DNHD1: variants seen among roughly 807,000 people sequenced by gnomAD.
DNHD1 encodes the protein dynein heavy chain domain-containing protein 1.
Under a neutral mutation model 458.1 loss-of-function variants are expected in DNHD1, and 383 were observed. That is an observed-to-expected ratio of 0.84 (90% CI 0.77 to 0.91). The LOEUF is 0.91. Among genes scored for constraint, DNHD1 ranks in the 40% least tolerant of loss-of-function variants. The probability of loss-of-function intolerance (pLI) is 0.00; values close to 1 mark genes in which losing one functional copy is unlikely to be tolerated. For synonymous variants in DNHD1, 2,203 were observed against 2,376.9 expected, an observed-to-expected ratio of 0.93 and a Z score of 2.13; for missense variants, 5,336 against 5,866.1, an observed-to-expected ratio of 0.91 and a Z score of 2.95.
At chr11:6,517,028 G>C (rs943860119) in intron 7 of DNHD1, among the ~76,000 whole-genome samples, 1 of 152,042 alleles carries the variant, frequency 6.6e-6, no homozygotes, top group African/African-American at 2.4e-5. Flanking sequence ...ATTTATTCTT[G>C]GAAGCTAGGA....
At position 6,505,092 on chromosome 11, in the gene DNHD1, A is replaced by C. The variant is rs1852204958; in HGVS notation, c.920+2166A>C. ...GCTATCCTCCCTTCTCAGCCTCCCA[A>C]AGTGCTGGGATTACAGACGTGAGCC... is the stretch of plus-strand genomic sequence containing the variant. On this transcript the variant is annotated intron_variant, in intron 4 of 42. Coordinates refer to ENST00000254579, the MANE Select transcript of DNHD1 (RefSeq NM_144666.3). This position sits in a 1 kb window ranked among gnomAD's most constrained non-coding sequence, Gnocchi z 4.4. Among the ~76,000 whole-genome samples the C allele has an allele frequency of 6.6e-6, 1 of 151,928 alleles. No individual in the cohort carries two copies. The highest frequency in any genetic ancestry group is 6.6e-5 in the Admixed American group (1 of 15,250).
chr11:6,561,526 G>T (rs1331472885), intron 28 of DNHD1, among the ~76,000 whole-genome samples: 2 of 152,200 alleles, frequency 1.3e-5, no homozygotes, highest in African/African-American at 4.8e-5. Flanking sequence ...TTTAGCAGAA[G>T]ATAAGAAGAT....
At chr11:6,522,568 G>T (rs2723643) in intron 10 of DNHD1, among the ~76,000 whole-genome samples, 8,429 of 152,034 alleles carry the variant, frequency 0.055, 760 homozygotes, top group African/African-American at 0.19. Flanking sequence ...TCCTGTGATA[G>T]GAGTTTACCT....
At chr11:6,531,926 A>C (rs770145315) in intron 12 of DNHD1, among the ~76,000 whole-genome samples, 13 of 152,216 alleles carry the variant, frequency 8.5e-5, no homozygotes, top group Non-Finnish European at 1.8e-4. Context: ...ACATGTTTAT[A>C]TTTAAAATAT....
At chr11:6,562,333 G>A (rs1358111286) in intron 28 of DNHD1, among the ~76,000 whole-genome samples, 2 of 152,120 alleles carry the variant, frequency 1.3e-5, no homozygotes, top group Non-Finnish European at 2.9e-5. Context: ...ATTCATTTGG[G>A]GACATGTGGA....
At chr11:6,550,067 T>A (rs909138792) in intron 24 of DNHD1, among the ~76,000 whole-genome samples, 2 of 152,246 alleles carry the variant, frequency 1.3e-5, no homozygotes, top group Non-Finnish European at 2.9e-5. Context: ...TTGAACCAGA[T>A]GTATTCGTAC....
rs59300977 is a variant in DNHD1, at chr11:6,517,652, C to CTTTTT, written c.1393-1918_1393-1914dup. On this transcript the variant is annotated intron_variant, in intron 7 of 42. Transcript: ENST00000254579. The stretch of plus-strand genomic sequence containing the variant: ...ACAAATACTGTATGATCTAGGACTT[C>CTTTTT]TTTTTTTTTTTTTTTTTTTTTTTTT... Among the ~76,000 whole-genome samples, 175 of 59,060 alleles carry CTTTTT rather than the reference C, an allele frequency of 3.0e-3. 16 individuals are homozygous for CTTTTT. The highest frequency in any genetic ancestry group is 9.4e-3 in the East Asian group (10 of 1,064). The allele number at this position is 59,060 out of a possible 152,430, so 38.7% of individuals were successfully genotyped here. A position where few individuals can be genotyped will look rare whatever the true frequency, so the allele number is the denominator to read the frequency against.
rs766024913 is a variant in DNHD1, at chr11:6,520,054, C to A, written c.1737C>A (p.Ile579=). Reference sequence around the variant, plus strand: ...ATGTGCCCTGTGTTGAAAATATGATCCAGACTCTAACTGGAGGCCTACAGT... The same window carrying A: ...ATGTGCCCTGTGTTGAAAATATGATACAGACTCTAACTGGAGGCCTACAGT... ...LSHVPCVENM[I]QTLTGGLQSV... Residue 579 remains isoleucine, a synonymous_variant, in exon 9 of 43, where the codon ATC becomes ATA. Transcript: ENST00000254579. 6.2e-7 allele frequency: 1 copy of A among 1,614,146 alleles called. No individual in the cohort carries two copies.
chr11:6,534,076 G>A lies in DNHD1; in HGVS notation c.2901G>A (p.Gln967=). The change falls in exon 14 of 43, where the codon CAG becomes CAA. Residue 967 remains glutamine (Q), a synonymous_variant. Transcript: ENST00000254579. ...SGPFMDPTQD[Q]RSTEHQLVSL... is the part of the protein sequence containing the mutation. Reference sequence around the variant, plus strand: ...CCTTTATGGACCCCACACAAGATCAGAGGAGTACTGAGCACCAGCTCGTCT... The same window carrying A: ...CCTTTATGGACCCCACACAAGATCAAAGGAGTACTGAGCACCAGCTCGTCT... 1 of 1,551,584 alleles carries A rather than the reference G, an allele frequency of 6.4e-7. No homozygotes were observed. Among genetic ancestry groups the A allele is most frequent in the Non-Finnish European group, 8.7e-7 (1 of 1,146,976 alleles).
Position 6,544,787 on chromosome 11 carries a change from C to G in DNHD1, c.3853-5C>G, listed in dbSNP as rs752527532. ...CCCTCACTTTTATCCTCTCCCTCAC[C>G]ACAGAACTCTCGTTTCAAGGTCATG... On this transcript the variant is annotated splice_region_variant and splice_polypyrimidine_tract_variant and intron_variant, in intron 20 of 42. Coordinates refer to ENST00000254579, the MANE Select transcript of DNHD1 (RefSeq NM_144666.3). 69 of 1,549,676 alleles carry G rather than the reference C, an allele frequency of 4.5e-5. No homozygotes were observed. The highest frequency in any genetic ancestry group is 5.8e-5 in the Non-Finnish European group (67 of 1,145,424).
intron 28 of DNHD1, among the ~76,000 whole-genome samples, chr11:6,560,224 C>G (rs1853558019): frequency 6.6e-6 from 1 of 152,198 alleles, no homozygotes; most frequent in African/African-American, 2.4e-5. Context: ...CTCAGATAAT[C>G]TTTCTACTAG....
chr11:6,506,968 T>A (rs1183170041), intron 4 of DNHD1, among the ~76,000 whole-genome samples: 1 of 152,178 alleles, frequency 6.6e-6, no homozygotes, highest in Admixed American at 6.5e-5. Flanking sequence ...GGGGTAGATA[T>A]TGAGTTTAGT....
At chr11:6,521,933 TCGTGAAC>T (rs1408443325) in intron 10 of DNHD1, among the ~76,000 whole-genome samples, 3 of 152,066 alleles carry the variant, frequency 2.0e-5, no homozygotes, top group Non-Finnish European at 4.4e-5. Context: ...CCGAGGCTGG[TCGTGAAC>T]TCCTATCATC....
chr11:6,560,801 A>G (rs1262830848), intron 28 of DNHD1, among the ~76,000 whole-genome samples: 5 of 152,140 alleles, frequency 3.3e-5, no homozygotes, highest in Non-Finnish European at 7.3e-5. Context: ...GGGCCCCTCC[A>G]TCTCTTTACT....
intron 10 of DNHD1, among the ~76,000 whole-genome samples, chr11:6,527,191 A>G (rs563314636): frequency 2.0e-5 from 3 of 152,008 alleles, no homozygotes; most frequent in Admixed American, 6.6e-5. Context: ...CCCTTCTGGC[A>G]TTTTTTTTAA....
chr11:6,556,604 T>G, intron 24 of DNHD1, 79 bp from the exon 25 acceptor site: 1 of 1,359,752 alleles, frequency 7.4e-7, no homozygotes, highest in Non-Finnish European at 9.8e-7. Context: ...GAACCGTGTG[T>G]GGCAGGAATA....
Position 6,568,177 on chromosome 11 carries a change from A to G in DNHD1, c.12473A>G (p.His4158Arg), listed in dbSNP as rs2134462807. 3 of 1,553,384 alleles carry G rather than the reference A, an allele frequency of 1.9e-6. No individual in the cohort carries two copies. The highest frequency in any genetic ancestry group is 2.6e-6 in the Non-Finnish European group (3 of 1,147,850). ...EGHWLVLDNC[H>R]LMPHWPKELL... ...CACTGGCTGGTGCTGGACAACTGTC[A>G]TCTGATGCCCCATTGGCCGAAAGAG... is the stretch of plus-strand genomic sequence containing the variant. Residue 4158 changes from histidine to arginine, a missense_variant, in exon 37 of 43, where the codon CAT becomes CGT. His to Arg is a conservative substitution (Grantham distance 29). This residue lies in a region of DNHD1 where 695 missense variants were observed against 804.2 expected (regional missense o/e 0.86). Transcript: ENST00000254579.
intron 41 of DNHD1, 65 bp downstream of exon 41, chr11:6,570,461 GA>G (rs1407943682): frequency 6.6e-7 from 1 of 1,521,672 alleles, no homozygotes; most frequent in Non-Finnish European, 8.8e-7. Flanking sequence ...ACCCCCCACA[GA>G]AATGTGGACA....
At chr11:6,540,207 A>G (rs1853069910) in intron 18 of DNHD1, 124 bp downstream of exon 18, 2 of 793,106 alleles carry the variant, frequency 2.5e-6, no homozygotes, top group Non-Finnish European at 2.0e-6. Flanking sequence ...TAGACAGCCT[A>G]AGACATTAGT....
Sources: gnomAD v4.1 joint callset for allele counts (sites outside exome capture counted in the v4.1 genomes callset) on GRCh38, gnomAD v4.1.1 for gene constraint, gnomAD v4.1.1 regional missense constraint, Gnocchi (gnomAD v3.1) non-coding constraint, MANE v1.5 for transcripts, NCBI Gene and HGNC (gene_info 2026-07-23, HGNC 2026-07-21) for gene names.